Variants in SLC16A7 observed in about 807,000 individuals in gnomAD.
SLC16A7 encodes solute carrier family 16 member 7.
In SLC16A7, 33 loss-of-function variants were observed where a neutral mutation model predicts 34.9. The observed-to-expected ratio is 0.94, with a 90% CI of 0.72 to 1.26. The LOEUF is 1.26. Among genes scored for constraint, SLC16A7 ranks in the 50% most tolerant of loss-of-function variants. The pLI is 0.00. For synonymous variants in SLC16A7, 201 were observed against 206.6 expected, an observed-to-expected ratio of 0.97 and a Z score of 0.23; for missense variants, 573 against 578.1, an observed-to-expected ratio of 0.99 and a Z score of 0.09.
At position 59,740,027 on chromosome 12, in the gene SLC16A7, G is replaced by C. The variant is rs1213190393; in HGVS notation, c.218-31192G>C. ...CACTCTGATGGTAGTTTCTTTTGCT[G>C]TGCAGAAGCTCTTTAGTTTAATTAG... is the stretch of plus-strand genomic sequence containing the variant. On this transcript the variant is annotated intron_variant, in intron 3 of 5. Transcript: ENST00000547379. Among the ~76,000 whole-genome samples, 44 of 151,562 alleles carry C rather than the reference G, an allele frequency of 2.9e-4. No homozygotes were observed. The South Asian group carries it at 3.1e-3, about 11-fold the overall frequency.
rs1693606 is a variant in SLC16A7 at position 59,719,946 on chromosome 12, A to G, written c.217+14928A>G. 10,990 of 595,046 alleles carry G rather than the reference A, an allele frequency of 0.018. 927 individuals carry two copies. The African/African-American group carries it at 0.19, about 10-fold the overall frequency. The allele number at this position is 595,046 out of a possible 1,614,324, so 36.9% of individuals were successfully genotyped here. A position where few individuals can be genotyped will look rare whatever the true frequency, so the allele number is the denominator to read the frequency against. On this transcript the variant is annotated intron_variant, in intron 3 of 5. Coordinates refer to ENST00000547379, the MANE Select transcript of SLC16A7 (RefSeq NM_001270623.2). ...TGGTGGAACCTTAGCTATTATAAAC[A>G]TGCTAATCTTCTAAGTAAATATTGG...
At chr12:59,739,012 T>A (rs1195848861) in intron 3 of SLC16A7, among the ~76,000 whole-genome samples, 1 of 134,554 alleles carries the variant, frequency 7.4e-6, no homozygotes, top group African/African-American at 2.9e-5. Context: ...GGTGTAAATT[T>A]TTTTTTCATT....
intron 1 of SLC16A7, among the ~76,000 whole-genome samples, chr12:59,629,415 G>A (rs1241833923): frequency 6.6e-6 from 1 of 151,854 alleles, no homozygotes; most frequent in East Asian, 1.9e-4. Context: ...CTATTCAGAA[G>A]CTATGTGCCT....
In SLC16A7 at chr12:59,786,401, G is replaced by C. The variant is rs1004352889; in HGVS notation, c.*6722G>C. The C allele has an allele frequency of 2.0e-5, 3 of 151,912 alleles. No homozygotes were observed. The highest frequency in any genetic ancestry group is 3.9e-4 in the East Asian group (2 of 5,164). 9.4% of individuals were successfully genotyped at this position (151,912 alleles called of 1,614,324 possible). On this transcript the variant is annotated 3_prime_UTR_variant, in exon 6 of 6. Coordinates refer to ENST00000547379, the MANE Select transcript of SLC16A7 (RefSeq NM_001270623.2). ...CTCAGTTTATATAGCTTCCTCGTTA[G>C]AGTACACATTTTTTTTCTCATCCTC...
At chr12:59,664,981 T>C (rs1479884878) in intron 2 of SLC16A7, 2 of 152,180 alleles carry the variant, frequency 1.3e-5, no homozygotes, top group East Asian at 1.9e-4. Flanking sequence ...TTCGTGTTCA[T>C]TGTAGTTTAG....
intron 3 of SLC16A7, among the ~76,000 whole-genome samples, chr12:59,762,057 T>A (rs973036157): frequency 6.6e-6 from 1 of 152,112 alleles, no homozygotes; most frequent in Admixed American, 6.6e-5. Flanking sequence ...ATGAGTGGTA[T>A]ACTTAAGCTC....
intron 3 of SLC16A7, among the ~76,000 whole-genome samples, chr12:59,765,345 C>G (rs1881485154): frequency 6.6e-6 from 1 of 152,190 alleles, no homozygotes; most frequent in South Asian, 2.1e-4. Flanking sequence ...AATTAGATCT[C>G]ATTTGTCAAT....
At chr12:59,611,085 G>A (rs1208942987) in intron 1 of SLC16A7, among the ~76,000 whole-genome samples, 1 of 152,080 alleles carries the variant, frequency 6.6e-6, no homozygotes, top group East Asian at 1.9e-4. Context: ...TCATTTATAA[G>A]GTCACTAATT....
chr12:59,668,630 A>C (rs745483069), intron 2 of SLC16A7, among the ~76,000 whole-genome samples: 8 of 152,122 alleles, frequency 5.3e-5, no homozygotes, highest in Non-Finnish European at 1.2e-4. Flanking sequence ...GTCTCAGATG[A>C]GACTTTGGAT....
At position 59,787,438 on chromosome 12, in the gene SLC16A7, T is replaced by G. The variant is rs1012705937; in HGVS notation, c.*7759T>G. On this transcript the variant is annotated 3_prime_UTR_variant, in exon 6 of 6. Coordinates refer to ENST00000547379, the MANE Select transcript of SLC16A7 (RefSeq NM_001270623.2). ...GTCTGGCAACAGTGTAATTAGAGCT[T>G]CTTTTATGTTAGAGATTCCATCTAC... is the stretch of plus-strand genomic sequence containing the variant. The G allele has an allele frequency of 1.3e-5, 2 of 152,316 alleles. No homozygotes were observed. Among genetic ancestry groups the G allele is most frequent in the Non-Finnish European group, 1.5e-5 (1 of 68,020 alleles). The allele number at this position is 152,316 out of a possible 1,614,324, so 9.4% of individuals were successfully genotyped here. A position where few individuals can be genotyped will look rare whatever the true frequency, so the allele number is the denominator to read the frequency against.
At chr12:59,774,366 T>TA (rs1185671230) in intron 4 of SLC16A7, among the ~76,000 whole-genome samples, 1 of 152,200 alleles carries the variant, frequency 6.6e-6, no homozygotes. Context: ...AATTTTGTCC[T>TA]AGTTTCAACC....
chr12:59,614,612 G>A (rs1879351036), intron 1 of SLC16A7, among the ~76,000 whole-genome samples: 1 of 151,808 alleles, frequency 6.6e-6, no homozygotes, highest in South Asian at 2.1e-4. Flanking sequence ...CATTGTGATA[G>A]CAATATGAGT....
intron 3 of SLC16A7, among the ~76,000 whole-genome samples, chr12:59,726,259 G>T (rs886138505): frequency 1.3e-5 from 2 of 152,010 alleles, no homozygotes; most frequent in African/African-American, 4.8e-5. Context: ...TTTTGAGAAG[G>T]GTCTTGGGAA....
At chr12:59,744,385 G>A (rs1395067271) in intron 3 of SLC16A7, among the ~76,000 whole-genome samples, 1 of 152,128 alleles carries the variant, frequency 6.6e-6, no homozygotes, top group African/African-American at 2.4e-5. Context: ...GCTTGACAAT[G>A]TTGCTTCAAA....
chr12:59,696,504 C>G (rs1205079736), intron 2 of SLC16A7: 4 of 151,972 alleles, frequency 2.6e-5, no homozygotes, highest in African/African-American at 9.7e-5. Context: ...GAAATCTGTT[C>G]AAGTGGACAT....
rs1319290436 is a variant in SLC16A7, at chr12:59,789,779, T to C, written c.*10100T>C. The C allele has an allele frequency of 6.6e-6, 1 of 152,104 alleles. No homozygotes were observed. The highest frequency in any genetic ancestry group is 1.9e-4 in the East Asian group (1 of 5,196). 9.4% of individuals were successfully genotyped at this position (152,104 alleles called of 1,614,324 possible). A position where few individuals can be genotyped will look rare whatever the true frequency, so the allele number is the denominator to read the frequency against. On this transcript the variant is annotated 3_prime_UTR_variant, in exon 6 of 6. Coordinates refer to ENST00000547379, the MANE Select transcript of SLC16A7 (RefSeq NM_001270623.2). ...AGTACATGCATATATATTTCTATAA[T>C]ATGTAAGAAAAAACCTGTATTGCTT...
At chr12:59,676,024 G>A (rs1204451157) in intron 2 of SLC16A7, among the ~76,000 whole-genome samples, 1 of 151,914 alleles carries the variant, frequency 6.6e-6, no homozygotes, top group East Asian at 1.9e-4. Context: ...TTGACCTTCA[G>A]GCAAATTGTC....
intron 3 of SLC16A7, among the ~76,000 whole-genome samples, chr12:59,749,466 T>G (rs2137317885): frequency 6.6e-6 from 1 of 152,234 alleles, no homozygotes. Context: ...GCCAAAGGTG[T>G]CGAAGTGGTC....
intron 3 of SLC16A7, among the ~76,000 whole-genome samples, chr12:59,705,499 A>G (rs1205186894): frequency 6.6e-6 from 1 of 152,166 alleles, no homozygotes; most frequent in African/African-American, 2.4e-5. Flanking sequence ...AATTTGTGTG[A>G]CTGAAATAAT....
Sources: allele counts gnomAD v4.1 joint callset (sites outside exome capture counted in the v4.1 genomes callset), GRCh38; gene constraint gnomAD v4.1.1; transcripts MANE v1.5; gene names NCBI Gene and HGNC (gene_info 2026-07-23, HGNC 2026-07-21).